The following ZFYVE28 variants were observed in gnomAD, a reference collection of about 807,000 sequenced individuals.
The protein encoded by ZFYVE28 is lateral signaling target protein 2 homolog.
In ZFYVE28, 40 loss-of-function variants were observed where a neutral mutation model predicts 82.1. The ratio of observed to expected loss-of-function variants is 0.49; its 90% CI spans 0.38 to 0.63. The LOEUF (loss-of-function observed/expected upper bound fraction) is 0.63, where lower values mean the gene tolerates loss of function less well. Ranked by LOEUF, ZFYVE28 falls within the 30% of genes least tolerant of loss-of-function variation. ZFYVE28 has a pLI of 0.00. For synonymous variants in ZFYVE28, 612 were observed against 546.1 expected, an observed-to-expected ratio of 1.12 and a Z score of -1.68; for missense variants, 1,321 against 1,242.1, an observed-to-expected ratio of 1.06 and a Z score of -0.96.
chr4:2,271,515 C>G (rs915053413), intron 11 of ZFYVE28, 101 bp from the exon 12 acceptor site: 9 of 1,452,334 alleles, frequency 6.2e-6, no homozygotes, highest in Admixed American at 3.5e-5. Flanking sequence ...GACTGCCAAG[C>G]CGCCTGGCCT....
At chr4:2,306,907 C>T (rs1268765974) in intron 7 of ZFYVE28, 1 of 152,212 alleles carries the variant, frequency 6.6e-6, no homozygotes, top group Non-Finnish European at 1.5e-5. Flanking sequence ...GCTGCTGTGA[C>T]CCAGCATCTT....
intron 1 of ZFYVE28, among the ~76,000 whole-genome samples, chr4:2,413,399 G>C (rs1732720151): frequency 6.6e-6 from 1 of 152,248 alleles, no homozygotes; most frequent in Admixed American, 6.5e-5. Flanking sequence ...GCCGCCGGGG[G>C]AGCCCCAGAG....
intron 1 of ZFYVE28, among the ~76,000 whole-genome samples, chr4:2,398,923 G>A (rs1337401475): frequency 9.1e-5 from 9 of 98,572 alleles, no homozygotes; most frequent in Admixed American, 3.0e-4. Context: ...GAGATCCAGG[G>A]CACAAGCGGG....
intron 2 of ZFYVE28, among the ~76,000 whole-genome samples, chr4:2,350,500 T>G (rs923505706): frequency 1.3e-5 from 2 of 151,868 alleles, no homozygotes; most frequent in African/African-American, 4.8e-5. Flanking sequence ...TATGATATTG[T>G]AAAATATACG....
intron 6 of ZFYVE28, among the ~76,000 whole-genome samples, chr4:2,323,989 T>C (rs370681529): frequency 2.0e-5 from 3 of 152,286 alleles, no homozygotes; most frequent in Middle Eastern, 3.4e-3. Flanking sequence ...CCAGTTTCTC[T>C]TTTTATCTTT....
At position 2,395,992 on chromosome 4, in the gene ZFYVE28, G is replaced by A. The variant is rs1251413059; in HGVS notation, c.39+22293C>T. 2.0e-5 allele frequency among the ~76,000 whole-genome samples: 3 copies of A among 152,322 alleles called. No individual in the cohort carries two copies. In the East Asian group the frequency reaches 5.8e-4, roughly 29 times the overall value. On this transcript the variant is annotated intron_variant, in intron 1 of 12. Coordinates refer to ENST00000290974, the MANE Select transcript of ZFYVE28 (RefSeq NM_020972.3). ...CCCCTGGGGGTCCAATTCAGCCCGGGTGAGACCCACTGGGTGAGTCTCTGC... is the reference window on the plus strand; with the variant it reads ...CCCCTGGGGGTCCAATTCAGCCCGGATGAGACCCACTGGGTGAGTCTCTGC...
chr4:2,333,183 C>A (rs1720994392), intron 6 of ZFYVE28, among the ~76,000 whole-genome samples: 1 of 150,104 alleles, frequency 6.7e-6, no homozygotes. Flanking sequence ...CCCTTGGCCT[C>A]CCCCGCAGCA....
chr4:2,337,194 G>T (rs1033175707), intron 5 of ZFYVE28, among the ~76,000 whole-genome samples: 1 of 152,064 alleles, frequency 6.6e-6, no homozygotes, highest in Non-Finnish European at 1.5e-5. Flanking sequence ...GTGGAAGGGG[G>T]CCGGGCAGAG....
intron 8 of ZFYVE28, chr4:2,285,582 AAGTC>A (rs1260186316): frequency 6.6e-6 from 1 of 152,336 alleles, no homozygotes; most frequent in African/African-American, 2.4e-5. Context: ...CTTCCCAAGG[AAGTC>A]AGTCTTCTCA....
Position 2,320,306 on chromosome 4 carries a change from C to T in ZFYVE28, c.702-35G>A. The T allele has an allele frequency of 6.3e-7, 1 of 1,589,292 alleles. No individual in the cohort carries two copies. The highest frequency in any genetic ancestry group is 8.6e-7 in the Non-Finnish European group (1 of 1,162,942). On this transcript the variant is annotated intron_variant, in intron 6 of 12. Transcript: ENST00000290974. The surrounding 1 kb of genome is among the most constrained non-coding windows in gnomAD (Gnocchi z 5.1). Reference sequence around the variant, plus strand: ...AGACACAAAAGCCAGGATGTCAGGCCCTGTGGCCCCCTGGGTGCCGCGGAC... The same window carrying T: ...AGACACAAAAGCCAGGATGTCAGGCTCTGTGGCCCCCTGGGTGCCGCGGAC...
chr4:2,405,558 C>T (rs1047475620), intron 1 of ZFYVE28, among the ~76,000 whole-genome samples: 2 of 152,226 alleles, frequency 1.3e-5, no homozygotes, highest in Non-Finnish European at 2.9e-5. Flanking sequence ...TGAGCAGGCC[C>T]AGGCTCTGAG....
intron 8 of ZFYVE28, among the ~76,000 whole-genome samples, chr4:2,278,844 C>T (rs924065467): frequency 2.0e-5 from 3 of 150,258 alleles, no homozygotes; most frequent in Non-Finnish European, 3.0e-5. Context: ...AACACATGAA[C>T]AGATGCCCAA....
At chr4:2,361,156 T>C (rs1726092656) in intron 1 of ZFYVE28, among the ~76,000 whole-genome samples, 1 of 152,274 alleles carries the variant, frequency 6.6e-6, no homozygotes, top group Non-Finnish European at 1.5e-5. Flanking sequence ...GTGAAAGTGT[T>C]CACTGTTAAA....
intron 1 of ZFYVE28, chr4:2,364,695 C>T: frequency 1.0e-6 from 1 of 985,490 alleles, no homozygotes; most frequent in Non-Finnish European, 1.2e-6. Flanking sequence ...CTTAGCACCT[C>T]GCGTCTCGCC....
intron 7 of ZFYVE28, among the ~76,000 whole-genome samples, chr4:2,314,515 G>T (rs1264525494): frequency 5.9e-5 from 9 of 151,978 alleles, no homozygotes; most frequent in Non-Finnish European, 1.2e-4. Context: ...TTCCTTCTAT[G>T]AATTTGCTAG....
Position 2,418,424 on chromosome 4 carries a change from A to G in ZFYVE28, c.-101T>C. 5.2e-6 allele frequency: 5 copies of G among 970,462 alleles called. No individual in the cohort carries two copies. Among genetic ancestry groups the G allele is most frequent in the Non-Finnish European group, 6.3e-6 (5 of 790,738 alleles). 60.1% of individuals were successfully genotyped at this position (970,462 alleles called of 1,614,324 possible). A position where few individuals can be genotyped will look rare whatever the true frequency, so the allele number is the denominator to read the frequency against. ...GGGGCGGACGCGGAGGCACGGCCGGAGCCCCCGCGCTGTCGCAGGGAGGCT... is the reference window on the plus strand; with the variant it reads ...GGGGCGGACGCGGAGGCACGGCCGGGGCCCCCGCGCTGTCGCAGGGAGGCT... On this transcript the variant is annotated 5_prime_UTR_variant, in exon 1 of 13. Coordinates refer to ENST00000290974, the MANE Select transcript of ZFYVE28 (RefSeq NM_020972.3). This position sits in a 1 kb window ranked among gnomAD's most constrained non-coding sequence, Gnocchi z 4.6.
In ZFYVE28 at chr4:2,339,803, G is replaced by GT; in HGVS notation, c.319-149dup. The GT allele has an allele frequency of 1.4e-6, 1 of 711,574 alleles. No homozygotes were observed. The highest frequency in any genetic ancestry group is 1.9e-5 in the South Asian group (1 of 52,832). 44.1% of individuals were successfully genotyped at this position (711,574 alleles called of 1,614,324 possible). ...CTCGTGTTCCCGGTCCCCGCAGGAGGTTTTTCTTACATTCAGAGCAATCGT... is the reference window on the plus strand; with the variant it reads ...CTCGTGTTCCCGGTCCCCGCAGGAGGTTTTTTCTTACATTCAGAGCAATCGT... On this transcript the variant is annotated intron_variant, in intron 3 of 12. Coordinates refer to ENST00000290974, the MANE Select transcript of ZFYVE28 (RefSeq NM_020972.3). The surrounding 1 kb of genome is among the most constrained non-coding windows in gnomAD (Gnocchi z 5.0).
chr4:2,357,646 G>T (rs1466424573), intron 1 of ZFYVE28, among the ~76,000 whole-genome samples: 2 of 152,202 alleles, frequency 1.3e-5, no homozygotes, highest in Non-Finnish European at 2.9e-5. Context: ...GACTGAGGTG[G>T]CCCGGAGCCC....
intron 6 of ZFYVE28, among the ~76,000 whole-genome samples, chr4:2,323,068 G>T (rs560677302): frequency 6.6e-6 from 1 of 152,254 alleles, no homozygotes; most frequent in East Asian, 1.9e-4. Flanking sequence ...TGCCTAGAAG[G>T]GTATGTGGTA....
Sources: allele counts gnomAD v4.1 joint callset (sites outside exome capture counted in the v4.1 genomes callset), GRCh38; gene constraint gnomAD v4.1.1; non-coding constraint Gnocchi (gnomAD v3.1); transcripts MANE v1.5; gene names NCBI Gene and HGNC (gene_info 2026-07-23, HGNC 2026-07-21).